Variants in NSMCE2 observed in about 807,000 individuals in gnomAD.
The protein encoded by NSMCE2 is E3 SUMO-protein ligase NSE2.
In NSMCE2, 24 loss-of-function variants were observed where a neutral mutation model predicts 23.8. The ratio of observed to expected loss-of-function variants is 1.01; its 90% CI spans 0.73 to 1.42. The LOEUF (loss-of-function observed/expected upper bound fraction) is 1.42, where lower values mean the gene tolerates loss of function less well. Among genes scored for constraint, NSMCE2 ranks in the 40% most tolerant of loss-of-function variants. The pLI is 0.00. For missense variants in NSMCE2, 284 were observed against 296.5 expected (o/e 0.96, Z 0.31); for synonymous variants, 92 against 94.1 (o/e 0.98, Z 0.13).
At chr8:125,332,052 T>G (rs1829900658) in intron 5 of NSMCE2, among the ~76,000 whole-genome samples, 2 of 152,212 alleles carry the variant, frequency 1.3e-5, no homozygotes, top group South Asian at 2.1e-4. Context: ...TCTGCTGATA[T>G]GAAGCCCACA....
Position 125,357,516 on chromosome 8 carries a change from G to A in NSMCE2, c.520-196G>A, listed in dbSNP as rs191940597. ...CAGTCAATCATGCCCTGAAGGATCC[G>A]GGACTAAAGTCATGGCCTACAGGCC... On this transcript the variant is annotated intron_variant, in intron 6 of 7. Transcript: ENST00000287437. 2.6e-3 allele frequency among the ~76,000 whole-genome samples: 397 copies of A among 152,310 alleles called. 2 individuals are homozygous for A. Among genetic ancestry groups the A allele is most frequent in the African/African-American group, 9.1e-3 (380 of 41,564 alleles).
chr8:125,357,608 A>C, intron 6 of NSMCE2, 104 bp from the exon 7 acceptor site: 1 of 821,616 alleles, frequency 1.2e-6, no homozygotes, highest in East Asian at 2.4e-5. Context: ...ATGTAAAGCC[A>C]TGAGAATGGG....
At chr8:125,302,896 A>G (rs1227514632) in intron 5 of NSMCE2, among the ~76,000 whole-genome samples, 3 of 152,068 alleles carry the variant, frequency 2.0e-5, no homozygotes, top group Non-Finnish European at 4.4e-5. Context: ...TGTGCCTCCA[A>G]ACAACTCTGG....
At chr8:125,112,145 A>G (rs887868292) in intron 3 of NSMCE2, among the ~76,000 whole-genome samples, 4 of 152,250 alleles carry the variant, frequency 2.6e-5, no homozygotes, top group Admixed American at 6.5e-5. Context: ...TTATAACTGG[A>G]GCCAACTATA....
chr8:125,357,251 A>G lies in NSMCE2; in HGVS notation c.451A>G (p.Thr151Ala). 6.2e-7 allele frequency: 1 copy of G among 1,613,760 alleles called. No individual in the cohort carries two copies. The highest frequency in any genetic ancestry group is 1.1e-5 in the South Asian group (1 of 91,076). ...GLQADREADG[T>A]EGVDEDIIVT... Reference sequence around the variant, plus strand: ...TCAAGCTGACAGAGAAGCTGACGGAACAGAAGGAGTGGATGAAGATATAAT... The same window carrying G: ...TCAAGCTGACAGAGAAGCTGACGGAGCAGAAGGAGTGGATGAAGATATAAT... Residue 151 changes from threonine to alanine, a missense_variant, in exon 6 of 8, where the codon ACA (threonine) becomes GCA (alanine). Physicochemically the swap from Thr to Ala is moderately conservative, Grantham distance 58. This residue lies in a region of NSMCE2 where 102 missense variants were observed against 141.0 expected (regional missense o/e 0.72). Coordinates refer to ENST00000287437, the MANE Select transcript of NSMCE2 (RefSeq NM_173685.4).
At position 125,214,826 on chromosome 8, in the gene NSMCE2, A is replaced by G. The variant is rs200230252; in HGVS notation, c.418+32570A>G. On this transcript the variant is annotated intron_variant, in intron 5 of 7. Coordinates refer to ENST00000287437, the MANE Select transcript of NSMCE2 (RefSeq NM_173685.4). ...ATGGGGTGGGTGTTCGTGTATTAAC[A>G]TTTATATTACATAAAACTTACTATT... 1.1e-4 allele frequency among the ~76,000 whole-genome samples: 16 copies of G among 152,208 alleles called. No individual in the cohort carries two copies. In the East Asian group the frequency reaches 2.9e-3, roughly 28 times the overall value.
chr8:125,309,146 C>T (rs1828875964), intron 5 of NSMCE2, among the ~76,000 whole-genome samples: 1 of 150,748 alleles, frequency 6.6e-6, no homozygotes, highest in African/African-American at 2.4e-5. Context: ...ACTCAGGAGG[C>T]TGAGGCAGGA....
intron 5 of NSMCE2, among the ~76,000 whole-genome samples, chr8:125,352,530 G>T (rs1396845751): frequency 1.3e-5 from 2 of 149,304 alleles, no homozygotes; most frequent in Non-Finnish European, 3.0e-5. Flanking sequence ...CCAACACACA[G>T]ATTTTAATAT....
intron 3 of NSMCE2, among the ~76,000 whole-genome samples, chr8:125,140,133 A>G (rs10093819): frequency 0.16 from 24,342 of 152,200 alleles, 2,974 homozygotes; most frequent in African/African-American, 0.34. Context: ...GAATTTTTCA[A>G]CCGTATGCTT....
intron 5 of NSMCE2, among the ~76,000 whole-genome samples, chr8:125,328,126 C>T (rs2131290198): frequency 6.7e-6 from 1 of 149,080 alleles, no homozygotes; most frequent in South Asian, 2.1e-4. Context: ...AAGAGGCAGG[C>T]ATCATCCAAA....
intron 5 of NSMCE2, among the ~76,000 whole-genome samples, chr8:125,350,071 A>G (rs1245632621): frequency 2.0e-5 from 3 of 152,226 alleles, no homozygotes; most frequent in Non-Finnish European, 4.4e-5. Flanking sequence ...TTGAACACCT[A>G]CTACCCTATG....
intron 4 of NSMCE2, among the ~76,000 whole-genome samples, chr8:125,178,736 GACGGGC>G (rs199899521): frequency 0.013 from 1,943 of 152,258 alleles, 35 homozygotes; most frequent in African/African-American, 0.045. Context: ...CGGGCATGGT[GACGGGC>G]ACCTGTAGTC....
At chr8:125,232,403 C>G (rs1825363070) in intron 5 of NSMCE2, among the ~76,000 whole-genome samples, 1 of 151,980 alleles carries the variant, frequency 6.6e-6, no homozygotes, top group Non-Finnish European at 1.5e-5. Flanking sequence ...TCTGTAAGCA[C>G]TGTGCACATG....
intron 5 of NSMCE2, among the ~76,000 whole-genome samples, chr8:125,305,968 T>C (rs1349365600): frequency 6.6e-6 from 1 of 152,128 alleles, no homozygotes; most frequent in African/African-American, 2.4e-5. Flanking sequence ...TGCATAAGAT[T>C]GGCCCCAAAG....
At chr8:125,119,577 C>T (rs1819173678) in intron 3 of NSMCE2, among the ~76,000 whole-genome samples, 2 of 152,160 alleles carry the variant, frequency 1.3e-5, no homozygotes, top group Non-Finnish European at 2.9e-5. Context: ...ATTAGACTAG[C>T]ACTTTATTAT....
At chr8:125,275,031 TAATA>T (rs1827394030) in intron 5 of NSMCE2, among the ~76,000 whole-genome samples, 1 of 100,864 alleles carries the variant, frequency 9.9e-6, no homozygotes, top group South Asian at 3.4e-4. Context: ...ATAATAATAA[TAATA>T]AATAGAATAA....
intron 5 of NSMCE2, among the ~76,000 whole-genome samples, chr8:125,338,887 G>A (rs553226370): frequency 6.6e-6 from 1 of 152,312 alleles, no homozygotes; most frequent in South Asian, 2.1e-4. Context: ...TAGCATCTCA[G>A]TTTAGGCCAA....
At chr8:125,291,472 A>G (rs1331517822) in intron 5 of NSMCE2, among the ~76,000 whole-genome samples, 2 of 152,168 alleles carry the variant, frequency 1.3e-5, no homozygotes, top group African/African-American at 2.4e-5. Context: ...GAGCTGGTCA[A>G]TGATTAATCA....
chr8:125,215,611 C>A (rs1045628289), intron 5 of NSMCE2, among the ~76,000 whole-genome samples: 1 of 152,228 alleles, frequency 6.6e-6, no homozygotes, highest in South Asian at 2.1e-4. Context: ...CCTGAGGAAT[C>A]GCCTATGTCC....
Sources: gnomAD v4.1 joint callset for allele counts (sites outside exome capture counted in the v4.1 genomes callset) on GRCh38, gnomAD v4.1.1 for gene constraint, gnomAD v4.1.1 regional missense constraint, MANE v1.5 for transcripts, NCBI Gene and HGNC (gene_info 2026-07-23, HGNC 2026-07-21) for gene names.